PCSK5: variants seen among roughly 807,000 people sequenced by gnomAD.
PCSK5 encodes prohormone convertase 5.
A neutral mutation model predicts 233.2 loss-of-function variants in PCSK5; 129 were observed. The observed-to-expected ratio is 0.55, with a 90% confidence interval of 0.48 to 0.64. PCSK5 has a LOEUF of 0.64. Among genes scored for constraint, PCSK5 ranks in the 30% least tolerant of loss-of-function variants. The probability of loss-of-function intolerance (pLI) is 0.00; values close to 1 mark genes in which losing one functional copy is unlikely to be tolerated. For synonymous variants in PCSK5, 825 were observed against 879.2 expected (o/e 0.94, Z 1.09); for missense variants, 2,076 against 2,430.1 (o/e 0.85, Z 3.06).
chr9:76,034,000 G>A (rs1828751517), intron 5 of PCSK5, among the ~76,000 whole-genome samples: 1 of 152,118 alleles, frequency 6.6e-6, no homozygotes, highest in African/African-American at 2.4e-5. Flanking sequence ...AGAACCTACA[G>A]CAAATATTTT....
intron 24 of PCSK5, among the ~76,000 whole-genome samples, chr9:76,247,215 C>A (rs1826639128): frequency 6.6e-6 from 1 of 152,206 alleles, no homozygotes; most frequent in Non-Finnish European, 1.5e-5. Flanking sequence ...AGCGGCAGGT[C>A]TGTGACAGCG....
At chr9:76,233,324 A>G in intron 21 of PCSK5, 136 bp from the exon 22 acceptor site, 1 of 798,176 alleles carries the variant, frequency 1.3e-6, no homozygotes, top group Non-Finnish European at 2.0e-6. Context: ...TAAGATGATC[A>G]CTCCCAGGCA....
intron 7 of PCSK5, among the ~76,000 whole-genome samples, chr9:76,083,882 G>C (rs768408589): frequency 6.6e-6 from 1 of 152,194 alleles, no homozygotes; most frequent in Admixed American, 6.5e-5. Context: ...ATCCAGGAGG[G>C]ATATGTTTTT....
intron 9 of PCSK5, among the ~76,000 whole-genome samples, chr9:76,129,588 G>A (rs1411720638): frequency 6.6e-6 from 1 of 152,062 alleles, no homozygotes; most frequent in African/African-American, 2.4e-5. Context: ...TCCTTAATAA[G>A]TGCAGGTGAG....
At chr9:76,208,491 T>C (rs914373080) in intron 20 of PCSK5, among the ~76,000 whole-genome samples, 5 of 152,204 alleles carry the variant, frequency 3.3e-5, no homozygotes, top group African/African-American at 1.2e-4. Context: ...GAAGTGGTAG[T>C]GGTTTCCTTA....
chr9:76,168,203 G>C (rs1040263468), intron 12 of PCSK5, among the ~76,000 whole-genome samples: 2 of 152,176 alleles, frequency 1.3e-5, no homozygotes, highest in African/African-American at 4.8e-5. Context: ...CCAGGCTGGA[G>C]TGCAGTGGCA....
chr9:76,350,135 A>T (rs1351855654), intron 35 of PCSK5, among the ~76,000 whole-genome samples: 1 of 151,786 alleles, frequency 6.6e-6, no homozygotes, highest in East Asian at 1.9e-4. Context: ...AGAAAGAAAG[A>T]CAGATCAACG....
chr9:76,086,923 G>T (rs1831087225), intron 7 of PCSK5, among the ~76,000 whole-genome samples: 1 of 152,168 alleles, frequency 6.6e-6, no homozygotes, highest in African/African-American at 2.4e-5. Context: ...TGAATATACA[G>T]AATATCTAAA....
chr9:76,059,213 C>T (rs965724485), intron 5 of PCSK5, among the ~76,000 whole-genome samples: 2 of 151,996 alleles, frequency 1.3e-5, no homozygotes, highest in African/African-American at 2.4e-5. Context: ...ATTAGGACTT[C>T]GATTTTTTTC....
At chr9:76,285,033 A>G (rs10125144) in intron 24 of PCSK5, among the ~76,000 whole-genome samples, 20,559 of 152,198 alleles carry the variant, frequency 0.14, 1,856 homozygotes, top group African/African-American at 0.26. Context: ...TTTTAAGCCA[A>G]TGAGTGATTA....
intron 30 of PCSK5, among the ~76,000 whole-genome samples, chr9:76,315,862 C>T (rs1050509720): frequency 2.6e-5 from 4 of 151,058 alleles, no homozygotes; most frequent in African/African-American, 9.7e-5. Flanking sequence ...GAATTCCTGA[C>T]CTCAGGTGAT....
intron 24 of PCSK5, among the ~76,000 whole-genome samples, chr9:76,271,643 C>T (rs1359772768): frequency 6.6e-6 from 1 of 151,842 alleles, no homozygotes; most frequent in African/African-American, 2.4e-5. Context: ...AGAGACCAGC[C>T]TGGGCAACAT....
At chr9:76,233,222 G>A (rs886326624) in intron 21 of PCSK5, among the ~76,000 whole-genome samples, 2 of 152,158 alleles carry the variant, frequency 1.3e-5, no homozygotes, top group South Asian at 2.1e-4. Flanking sequence ...AAGCAGATTC[G>A]GGATTGTTTT....
chr9:75,991,276 CT>C (rs1389022893), intron 3 of PCSK5, among the ~76,000 whole-genome samples: 1 of 152,084 alleles, frequency 6.6e-6, no homozygotes, highest in Non-Finnish European at 1.5e-5. Context: ...AGATTTTTGC[CT>C]ACCCTCCCAC....
chr9:76,094,610 A>G (rs1021680383), intron 7 of PCSK5, among the ~76,000 whole-genome samples: 2 of 149,004 alleles, frequency 1.3e-5, no homozygotes, highest in Non-Finnish European at 3.0e-5. Context: ...TAAGAAAGTC[A>G]TTTTTTTTTT....
rs186342941 is a variant in PCSK5, at chr9:76,047,272, A to G, written c.632+20235A>G. Among the ~76,000 whole-genome samples, 495 of 151,780 alleles carry G rather than the reference A, an allele frequency of 3.3e-3. 3 individuals are homozygous for G. Among genetic ancestry groups the G allele is most frequent in the African/African-American group, 0.011 (472 of 41,360 alleles). ...CCACCATGCCCAGCTAACTTTTTGTATTTTTAGTAGAGATGGGGTTTCACC... is the reference window on the plus strand; with the variant it reads ...CCACCATGCCCAGCTAACTTTTTGTGTTTTTAGTAGAGATGGGGTTTCACC... On this transcript the variant is annotated intron_variant, in intron 5 of 37. Coordinates refer to ENST00000674117, the MANE Select transcript of PCSK5 (RefSeq NM_001372043.1).
chr9:76,098,909 G>A (rs980840015), intron 8 of PCSK5, among the ~76,000 whole-genome samples: 1 of 152,258 alleles, frequency 6.6e-6, no homozygotes, highest in South Asian at 2.1e-4. Context: ...CATGGCAGGG[G>A]TGTCATTTAG....
intron 2 of PCSK5, among the ~76,000 whole-genome samples, chr9:75,965,975 C>G (rs1231051024): frequency 1.3e-5 from 2 of 152,138 alleles, no homozygotes; most frequent in Non-Finnish European, 2.9e-5. Context: ...TGTGAGCTAT[C>G]AGGGACACAT....
chr9:76,344,644 CTATTTGGTTTTT>C (rs1336451369), intron 35 of PCSK5, among the ~76,000 whole-genome samples: 1 of 152,088 alleles, frequency 6.6e-6, no homozygotes, highest in Non-Finnish European at 1.5e-5. Flanking sequence ...TATTGGCTTT[CTATTTGGTTTTT>C]TGAAAAGTTG....
Sources: gnomAD v4.1 joint callset for allele counts (sites outside exome capture counted in the v4.1 genomes callset) on GRCh38, gnomAD v4.1.1 for gene constraint, MANE v1.5 for transcripts, NCBI Gene and HGNC (gene_info 2026-07-23, HGNC 2026-07-21) for gene names.